GLRX3: variants seen among roughly 807,000 people sequenced by gnomAD.
GLRX3 encodes glutaredoxin 3.
GLRX3 carries 22 observed loss-of-function variants against 49.5 expected under a neutral mutation model. The observed-to-expected ratio is 0.44, with a 90% confidence interval of 0.32 to 0.63. GLRX3 has a LOEUF of 0.63. GLRX3 is among the 30% of genes least tolerant of loss of function. The pLI is 0.05. For missense variants in GLRX3, 385 were observed against 396.3 expected (o/e 0.97, Z 0.24); for synonymous variants, 133 against 140.0 (o/e 0.95, Z 0.35).
intron 2 of GLRX3, among the ~76,000 whole-genome samples, chr10:130,158,019 G>A (rs1315973600): frequency 2.0e-5 from 3 of 152,202 alleles, no homozygotes; most frequent in South Asian, 2.1e-4. Flanking sequence ...TGATGTTCCT[G>A]TTCCCTTCTT....
chr10:130,147,623 T>C (rs866956145), intron 2 of GLRX3, among the ~76,000 whole-genome samples: 12 of 152,328 alleles, frequency 7.9e-5, no homozygotes, highest in East Asian at 3.9e-4. Flanking sequence ...TTTTCTTTGA[T>C]TAGCCATCAT....
intron 4 of GLRX3, among the ~76,000 whole-genome samples, chr10:130,163,409 G>A (rs1030424114): frequency 2.0e-5 from 3 of 152,158 alleles, no homozygotes; most frequent in Non-Finnish European, 4.4e-5. Context: ...GTGACAGAGT[G>A]AAACTCTGTC....
At chr10:130,158,687 C>T (rs1193657317) in intron 2 of GLRX3, among the ~76,000 whole-genome samples, 2 of 152,126 alleles carry the variant, frequency 1.3e-5, no homozygotes, top group African/African-American at 4.8e-5. Context: ...TCTGAGTGTG[C>T]TGTTGTGTAT....
chr10:130,167,095 G>A, intron 6 of GLRX3, 115 bp downstream of exon 6: 2 of 557,536 alleles, frequency 3.6e-6, no homozygotes, highest in Admixed American at 7.8e-5. Context: ...TGGTATGCCA[G>A]ACGTCATAAT....
intron 1 of GLRX3, 91 bp from the exon 2 acceptor site, chr10:130,145,120 T>C (rs7095590): frequency 0.24 from 128,739 of 544,176 alleles, 16,407 homozygotes; most frequent in South Asian, 0.29. Flanking sequence ...TTTTAAAGCT[T>C]TCTTTTTTTT....
At chr10:130,151,162 G>A (rs11017107) in intron 2 of GLRX3, among the ~76,000 whole-genome samples, 15,173 of 151,986 alleles carry the variant, frequency 0.1, 777 homozygotes, top group Middle Eastern at 0.13. Context: ...TCATGACCTC[G>A]TGATCCGCCT....
intron 10 of GLRX3, among the ~76,000 whole-genome samples, chr10:130,177,330 A>T (rs1862942827): frequency 6.6e-6 from 1 of 152,136 alleles, no homozygotes; most frequent in Non-Finnish European, 1.5e-5. Flanking sequence ...GAATGTTTGG[A>T]CTTAAGACAG....
intron 2 of GLRX3, among the ~76,000 whole-genome samples, chr10:130,158,105 TGTG>T: frequency 6.6e-6 from 1 of 152,282 alleles, no homozygotes; most frequent in East Asian, 1.9e-4. Flanking sequence ...TGGAGGCAGT[TGTG>T]GTAGTTCTCA....
intron 2 of GLRX3, among the ~76,000 whole-genome samples, chr10:130,155,532 G>A (rs1208167110): frequency 6.6e-6 from 1 of 152,222 alleles, no homozygotes; most frequent in Admixed American, 6.5e-5. Flanking sequence ...AGGTGTGAGA[G>A]TGAGAGAAAT....
intron 4 of GLRX3, among the ~76,000 whole-genome samples, chr10:130,165,744 A>G (rs896501772): frequency 6.6e-6 from 1 of 152,238 alleles, no homozygotes; most frequent in African/African-American, 2.4e-5. Context: ...GGAAGTAGTA[A>G]AATGGCAGTA....
At chr10:130,136,664 T>C (rs2134859833) in intron 1 of GLRX3, 152 bp downstream of exon 1, 1 of 1,002,064 alleles carries the variant, frequency 1.0e-6, no homozygotes, top group Non-Finnish European at 1.3e-6. Context: ...ACCCGTAGAC[T>C]CCCCCGAGCC....
At chr10:130,159,879 T>C in intron 2 of GLRX3, 116 bp from the exon 3 acceptor site, 1 of 1,349,742 alleles carries the variant, frequency 7.4e-7, no homozygotes, top group Non-Finnish European at 1.0e-6. Context: ...TTTTGTACCA[T>C]GCTCTTTAAA....
At chr10:130,136,544 A>G in intron 1 of GLRX3, 32 bp downstream of exon 1, 1 of 1,252,648 alleles carries the variant, frequency 8.0e-7, no homozygotes, top group Non-Finnish European at 1.0e-6. Context: ...AGGAGTGAGG[A>G]GCCGGAGCGG....
chr10:130,157,355 T>A (rs1370487561), intron 2 of GLRX3, among the ~76,000 whole-genome samples: 1 of 48,100 alleles, frequency 2.1e-5, no homozygotes, highest in Non-Finnish European at 4.1e-5. Context: ...GCAGGAGGGG[T>A]GGGGGATGGG....
chr10:130,163,528 C>T (rs1423678644), intron 4 of GLRX3, among the ~76,000 whole-genome samples: 6 of 152,104 alleles, frequency 3.9e-5, no homozygotes, highest in Non-Finnish European at 8.8e-5. Context: ...TGAATGGTTA[C>T]AGTTTCTTCT....
At chr10:130,166,323 A>G (rs1213179857) in intron 4 of GLRX3, among the ~76,000 whole-genome samples, 184 bp from the exon 5 acceptor site, 1 of 152,096 alleles carries the variant, frequency 6.6e-6, no homozygotes, top group African/African-American at 2.4e-5. Flanking sequence ...TTCAAGGTCA[A>G]ATAAGGGGAT....
intron 8 of GLRX3, among the ~76,000 whole-genome samples, chr10:130,173,131 C>G (rs957768968): frequency 6.6e-6 from 1 of 152,154 alleles, no homozygotes; most frequent in African/African-American, 2.4e-5. Context: ...TGCTGCGGGT[C>G]CACAGTGAGA....
intron 7 of GLRX3, among the ~76,000 whole-genome samples, chr10:130,170,158 T>C (rs192459343): frequency 6.6e-6 from 1 of 152,364 alleles, no homozygotes; most frequent in East Asian, 1.9e-4. Context: ...TTTGTAATTT[T>C]CATAGCAATT....
intron 2 of GLRX3, among the ~76,000 whole-genome samples, chr10:130,153,810 G>T (rs1254756039): frequency 6.6e-6 from 1 of 152,166 alleles, no homozygotes; most frequent in Non-Finnish European, 1.5e-5. Context: ...ATGCCATGCT[G>T]GGAGAACCAC....
Sources: allele counts gnomAD v4.1 joint callset (sites outside exome capture counted in the v4.1 genomes callset), GRCh38; gene constraint gnomAD v4.1.1; transcripts MANE v1.5; gene names NCBI Gene and HGNC (gene_info 2026-07-23, HGNC 2026-07-21).